CUX1: variants seen among roughly 807,000 people sequenced by gnomAD.
CUX1 encodes the protein cut like homeobox 1.
In CUX1, 31 loss-of-function variants were observed where a neutral mutation model predicts 158.8. The ratio of observed to expected loss-of-function variants is 0.20; its 90% confidence interval spans 0.15 to 0.26. The LOEUF (loss-of-function observed/expected upper bound fraction) is 0.26, where lower values mean the gene tolerates loss of function less well. CUX1 is among the 10% of genes least tolerant of loss of function. CUX1 has a pLI of 1.00. For missense variants in CUX1, 1,589 were observed against 2,014.6 expected, an observed-to-expected ratio of 0.79 and a Z score of 4.04; for synonymous variants, 879 against 862.1, an observed-to-expected ratio of 1.02 and a Z score of -0.34.
At position 102,253,673 on chromosome 7, in the gene CUX1, A is replaced by T; in HGVS notation, c.*4631A>T. 1.0e-6 allele frequency: 1 copy of T among 985,500 alleles called. No homozygotes were observed. The highest frequency in any genetic ancestry group is 4.7e-5 in the South Asian group (1 of 21,294). 61.0% of individuals were successfully genotyped at this position (985,500 alleles called of 1,614,324 possible). ...GAGAGATTTTGAACTGAGGGGCGAC[A>T]GCCTTTGCCTTAAATGCAGTATGAC... On this transcript the variant is annotated 3_prime_UTR_variant, in exon 24 of 24. Transcript: ENST00000292535.
intron 4 of CUX1, among the ~76,000 whole-genome samples, chr7:102,077,121 T>A (rs1295270200): frequency 1.3e-5 from 2 of 151,664 alleles, no homozygotes; most frequent in African/African-American, 4.8e-5. Flanking sequence ...CAAAGCCCAC[T>A]GGGCAATGAG....
chr7:102,061,012 C>T (rs1824807558), intron 3 of CUX1, among the ~76,000 whole-genome samples: 1 of 150,210 alleles, frequency 6.7e-6, no homozygotes, highest in Non-Finnish European at 1.5e-5. Context: ...GCAACCTCCG[C>T]CTCCAGGGTT....
At chr7:102,150,248 G>A (rs1050684555) in intron 8 of CUX1, among the ~76,000 whole-genome samples, 7 of 152,072 alleles carry the variant, frequency 4.6e-5, no homozygotes, top group African/African-American at 7.2e-5. Context: ...CTCTGTGACC[G>A]GGGTTCAAGC....
At chr7:102,097,532 T>C in intron 5 of CUX1, 31 bp downstream of exon 5, 2 of 1,501,828 alleles carry the variant, frequency 1.3e-6, no homozygotes, top group Non-Finnish European at 1.8e-6. Flanking sequence ...TTGCTTTTTC[T>C]TTTCTTCTTT....
At chr7:102,202,561 A>C (rs1463386995) in intron 18 of CUX1, among the ~76,000 whole-genome samples, 1 of 152,114 alleles carries the variant, frequency 6.6e-6, no homozygotes, top group East Asian at 1.9e-4. Flanking sequence ...CCGAGTCCAC[A>C]TCCAGCTTTT....
chr7:102,169,930 G>A (rs184384717), intron 9 of CUX1, among the ~76,000 whole-genome samples: 6 of 152,262 alleles, frequency 3.9e-5, no homozygotes, highest in African/African-American at 4.8e-5. Context: ...AAATAAGCCC[G>A]GCCTTTACAA....
chr7:102,237,511 G>C (rs1447387799), intron 22 of CUX1, among the ~76,000 whole-genome samples: 1 of 152,074 alleles, frequency 6.6e-6, no homozygotes, highest in South Asian at 2.1e-4. Context: ...CAAACTCCTA[G>C]GCTCGAGCAA....
chr7:102,205,235 T>A (rs2132074789), intron 20 of CUX1, 65 bp downstream of exon 20: 1 of 1,249,312 alleles, frequency 8.0e-7, no homozygotes, highest in African/African-American at 1.5e-5. Context: ...TGTCCCGTGC[T>A]GTGGTCTGTC....
intron 4 of CUX1, among the ~76,000 whole-genome samples, chr7:102,080,760 A>G (rs1168083265): frequency 6.6e-6 from 1 of 151,990 alleles, no homozygotes. Context: ...TTCTCACAGG[A>G]CCTCTCTGCA....
intron 3 of CUX1, among the ~76,000 whole-genome samples, chr7:102,056,377 C>T (rs1480383205): frequency 2.0e-5 from 3 of 152,166 alleles, no homozygotes; most frequent in Admixed American, 6.6e-5. Context: ...GGGGATAATG[C>T]AGCTGGTGAC....
intron 1 of CUX1, among the ~76,000 whole-genome samples, chr7:101,893,158 C>CT (rs10589615): frequency 0.46 from 29,004 of 63,504 alleles, 10,234 homozygotes; most frequent in Non-Finnish European, 0.54. Flanking sequence ...ATTTTTATTA[C>CT]TTTTTTTTTT....
chr7:102,132,323 GCACGCCACGCACACA>G (rs1433277417), intron 8 of CUX1, among the ~76,000 whole-genome samples: 1 of 330 alleles, frequency 3.0e-3, no homozygotes, highest in African/African-American at 0.01. Flanking sequence ...GCGCGCGCGC[GCACGCCACGCACACA>G]CGCATCTTTA....
intron 10 of CUX1, among the ~76,000 whole-genome samples, chr7:102,174,600 C>G (rs57517296): frequency 0.065 from 9,898 of 152,244 alleles, 443 homozygotes; most frequent in African/African-American, 0.12. Flanking sequence ...CTTGTGACAG[C>G]ACAACTGGGA....
At chr7:101,937,553 C>T (rs975037847) in intron 2 of CUX1, among the ~76,000 whole-genome samples, 4 of 151,766 alleles carry the variant, frequency 2.6e-5, no homozygotes, top group African/African-American at 7.3e-5. Flanking sequence ...CTCTGTCTCC[C>T]AGGCTGCAGT....
At chr7:102,274,622 A>G (rs2132812037) in intron 16 of CUX1, among the ~76,000 whole-genome samples, 1 of 152,284 alleles carries the variant, frequency 6.6e-6, no homozygotes, top group East Asian at 1.9e-4. Context: ...TCTCTAAAAA[A>G]CAAAAAGGTG....
chr7:101,957,150 CATG>C (rs1198143774), intron 2 of CUX1, among the ~76,000 whole-genome samples: 1 of 152,106 alleles, frequency 6.6e-6, no homozygotes, highest in African/African-American at 2.4e-5. Flanking sequence ...CAGAAAAGAT[CATG>C]ATATCACCTA....
intron 2 of CUX1, among the ~76,000 whole-genome samples, chr7:101,955,417 A>C (rs958791158): frequency 6.6e-6 from 1 of 152,214 alleles, no homozygotes; most frequent in African/African-American, 2.4e-5. Context: ...AGGCATAATA[A>C]TATCATGCCC....
intron 1 of CUX1, among the ~76,000 whole-genome samples, chr7:101,833,761 T>C (rs1273130767): frequency 2.0e-5 from 3 of 151,930 alleles, no homozygotes; most frequent in Non-Finnish European, 4.4e-5. Context: ...AAAACAGAGC[T>C]CTCAGGTTTT....
chr7:102,203,727 T>C (rs1168310304), intron 18 of CUX1, among the ~76,000 whole-genome samples: 2 of 152,264 alleles, frequency 1.3e-5, no homozygotes, highest in Non-Finnish European at 2.9e-5. Context: ...ATCTGTGTCC[T>C]GTGGGGGGTG....
Sources: gnomAD v4.1 joint callset for allele counts (sites outside exome capture counted in the v4.1 genomes callset) on GRCh38, gnomAD v4.1.1 for gene constraint, MANE v1.5 for transcripts, NCBI Gene and HGNC (gene_info 2026-07-23, HGNC 2026-07-21) for gene names.